The following FOXP2 variants were observed in gnomAD, a reference collection of about 807,000 sequenced individuals.
The protein encoded by FOXP2 is forkhead box protein P2.
Under a neutral mutation model 115.8 loss-of-function variants are expected in FOXP2, and 12 were observed. That is an observed-to-expected ratio of 0.10 (90% CI 0.07 to 0.17). The LOEUF is 0.17. Among genes scored for constraint, FOXP2 ranks in the 10% least tolerant of loss-of-function variants. FOXP2 has a pLI of 1.00. For synonymous variants in FOXP2, 328 were observed against 297.7 expected, an observed-to-expected ratio of 1.10 and a Z score of -1.05; for missense variants, 629 against 843.5, an observed-to-expected ratio of 0.75 and a Z score of 3.15.
intron 2 of FOXP2, among the ~76,000 whole-genome samples, chr7:114,474,297 G>A (rs1216425491): frequency 6.6e-6 from 1 of 151,980 alleles, no homozygotes; most frequent in Non-Finnish European, 1.5e-5. Context: ...TACTCAAATC[G>A]GCACTATTTT....
At chr7:114,491,291 G>T (rs1797039479) in intron 2 of FOXP2, among the ~76,000 whole-genome samples, 1 of 152,216 alleles carries the variant, frequency 6.6e-6, no homozygotes, top group African/African-American at 2.4e-5. Flanking sequence ...TCTTTTGGCT[G>T]CATAAATGTC....
At chr7:114,466,577 A>G (rs1293290252) in intron 2 of FOXP2, among the ~76,000 whole-genome samples, 1 of 152,112 alleles carries the variant, frequency 6.6e-6, no homozygotes, top group Non-Finnish European at 1.5e-5. Context: ...GCCAGTCTTG[A>G]TGTAGTAGAT....
At chr7:114,244,007 A>C (rs1795218195) in intron 1 of FOXP2, among the ~76,000 whole-genome samples, 1 of 151,690 alleles carries the variant, frequency 6.6e-6, no homozygotes, top group Non-Finnish European at 1.5e-5. Flanking sequence ...TCATATAATG[A>C]GTTTTCATAG....
intron 4 of FOXP2, chr7:114,629,495 GT>G: frequency 1.9e-6 from 2 of 1,067,262 alleles, no homozygotes; most frequent in African/African-American, 1.6e-5. Flanking sequence ...GTATAGCCTA[GT>G]TTTTATGTGT....
At chr7:114,362,797 A>G (rs144584625) in intron 2 of FOXP2, among the ~76,000 whole-genome samples, 2 of 152,284 alleles carry the variant, frequency 1.3e-5, no homozygotes, top group East Asian at 3.9e-4. Context: ...TGATTATAGC[A>G]AGCATTTTGA....
chr7:114,529,478 T>C (rs987890893), intron 2 of FOXP2, among the ~76,000 whole-genome samples: 1 of 151,840 alleles, frequency 6.6e-6, no homozygotes, highest in Non-Finnish European at 1.5e-5. Flanking sequence ...CTTATTAAAG[T>C]ACTCTTATTA....
chr7:114,631,387 A>T (rs763100301), intron 5 of FOXP2, 141 bp from the exon 6 acceptor site: 2 of 1,393,234 alleles, frequency 1.4e-6, no homozygotes, highest in African/African-American at 2.9e-5. Flanking sequence ...GAACTTACTC[A>T]CATTCTGCCC....
chr7:114,511,462 A>G lies in FOXP2; in HGVS notation c.169-23155A>G, dbSNP rs573881213. Among the ~76,000 whole-genome samples, 11 of 152,312 alleles carry G rather than the reference A, an allele frequency of 7.2e-5. No individual in the cohort carries two copies. In the South Asian group the frequency reaches 1.9e-3, roughly 26 times the overall value. The stretch of plus-strand genomic sequence containing the variant: ...AAAGGAATCAAAAAAAGACTCTTGC[A>G]AAGGAAAGCTTTTGCATCAGTGAGT... On this transcript the variant is annotated intron_variant, in intron 2 of 16. Transcript: ENST00000350908.
intron 2 of FOXP2, among the ~76,000 whole-genome samples, chr7:114,385,151 T>C (rs1342181977): frequency 1.3e-5 from 2 of 151,950 alleles, no homozygotes; most frequent in African/African-American, 2.4e-5. Flanking sequence ...TGTCGAGAGC[T>C]GTATACCTAA....
At chr7:114,661,728 T>A (rs905488086) in intron 13 of FOXP2, 9 of 333,478 alleles carry the variant, frequency 2.7e-5, no homozygotes, top group Non-Finnish European at 5.2e-5. Flanking sequence ...GAGTGCTTGA[T>A]CAGGGACACA....
chr7:114,187,671 G>A (rs763370227), intron 1 of FOXP2, among the ~76,000 whole-genome samples: 2 of 152,148 alleles, frequency 1.3e-5, no homozygotes, highest in East Asian at 1.9e-4. Context: ...CCAAAGTCAC[G>A]TGTACATTTT....
chr7:114,126,831 G>T (rs989853923), intron 1 of FOXP2, among the ~76,000 whole-genome samples: 4 of 152,178 alleles, frequency 2.6e-5, no homozygotes, highest in African/African-American at 9.7e-5. Context: ...ATGTCTTTTA[G>T]ATTCTCCCAA....
intron 1 of FOXP2, among the ~76,000 whole-genome samples, chr7:114,285,651 C>A (rs116362202): frequency 4.6e-5 from 7 of 152,006 alleles, no homozygotes; most frequent in African/African-American, 1.7e-4. Flanking sequence ...ATCAACACTG[C>A]GCAGAATTCA....
chr7:114,484,281 G>C (rs1335767366), intron 2 of FOXP2, among the ~76,000 whole-genome samples: 1 of 151,794 alleles, frequency 6.6e-6, no homozygotes, highest in Non-Finnish European at 1.5e-5. Context: ...TTGTGTATTT[G>C]TGTATGTGTA....
intron 3 of FOXP2, among the ~76,000 whole-genome samples, chr7:114,605,640 T>G (rs1803277418): frequency 1.3e-5 from 2 of 152,142 alleles, no homozygotes; most frequent in South Asian, 2.1e-4. Flanking sequence ...AAGGTTTGGG[T>G]TGATCGAGGT....
At chr7:114,194,936 T>TAAAGCAATTG (rs1793865952) in intron 1 of FOXP2, among the ~76,000 whole-genome samples, 1 of 152,160 alleles carries the variant, frequency 6.6e-6, no homozygotes. Flanking sequence ...GCTTTATGTG[T>TAAAGCAATTG]CAGAATAGTT....
chr7:114,143,147 C>CAAT (rs77761140), intron 1 of FOXP2, among the ~76,000 whole-genome samples: 54,557 of 139,274 alleles, frequency 0.39, 10,622 homozygotes, highest in East Asian at 0.49. Context: ...GACCCTGTCT[C>CAAT]AATAATAATA....
chr7:114,601,551 T>A (rs1344743966), intron 3 of FOXP2, among the ~76,000 whole-genome samples: 3 of 152,160 alleles, frequency 2.0e-5, no homozygotes, highest in African/African-American at 7.2e-5. Context: ...CTGTTCCTTT[T>A]TAAACCTATT....
intron 3 of FOXP2, among the ~76,000 whole-genome samples, chr7:114,606,797 A>G (rs1803357406): frequency 2.0e-5 from 3 of 152,208 alleles, no homozygotes; most frequent in Non-Finnish European, 4.4e-5. Context: ...TATATTAACA[A>G]TCAAATTAGA....
Sources: allele counts gnomAD v4.1 joint callset (sites outside exome capture counted in the v4.1 genomes callset), GRCh38; gene constraint gnomAD v4.1.1; transcripts MANE v1.5; gene names NCBI Gene and HGNC (gene_info 2026-07-23, HGNC 2026-07-21).